OSBPL9: variants seen among roughly 807,000 people sequenced by gnomAD.
OSBPL9 encodes the protein oxysterol-binding protein-related protein 9.
In OSBPL9, 40 loss-of-function variants were observed where a neutral mutation model predicts 106.6. That is an observed-to-expected ratio of 0.38 (90% CI 0.29 to 0.49). OSBPL9 has a LOEUF of 0.49. Ranked by LOEUF, OSBPL9 falls within the 20% of genes least tolerant of loss-of-function variation. The pLI is 0.97. For synonymous variants in OSBPL9, 269 were observed against 295.4 expected, an observed-to-expected ratio of 0.91 and a Z score of 0.92; for missense variants, 609 against 887.2, an observed-to-expected ratio of 0.69 and a Z score of 3.98.
intron 3 of OSBPL9, among the ~76,000 whole-genome samples, chr1:51,685,307 T>C (rs1190415332): frequency 1.3e-5 from 2 of 152,158 alleles, no homozygotes; most frequent in East Asian, 1.9e-4. Context: ...GTTAAAGCTA[T>C]AGTAATTCTG....
intron 1 of OSBPL9, among the ~76,000 whole-genome samples, chr1:51,578,954 A>T (rs1285255235): frequency 6.6e-6 from 1 of 152,136 alleles, no homozygotes; most frequent in Non-Finnish European, 1.5e-5. Flanking sequence ...TGTCACATGA[A>T]CTTATCTCTG....
At chr1:51,557,912 A>G in the OSBPL9 span, among the ~76,000 whole-genome samples, 2 of 152,012 alleles carry the variant, frequency 1.3e-5, no homozygotes, top group South Asian at 2.1e-4. Context: ...GACCTAACCA[A>G]CTCTATCTTG....
At chr1:51,786,677 G>T in intron 22 of OSBPL9, 60 bp downstream of exon 22, 1 of 1,406,418 alleles carries the variant, frequency 7.1e-7, no homozygotes, top group Non-Finnish European at 1.0e-6. Context: ...CCTAGGCGTA[G>T]GCACAGGGCT....
intron 9 of OSBPL9, chr1:51,759,532 G>A (rs1671059300): frequency 6.6e-6 from 1 of 151,990 alleles, no homozygotes; most frequent in South Asian, 2.1e-4. Flanking sequence ...TCTGTTATAA[G>A]CACTACTTAA....
intron 4 of OSBPL9, among the ~76,000 whole-genome samples, chr1:51,719,738 A>T (rs1661719539): frequency 6.6e-6 from 1 of 152,222 alleles, no homozygotes; most frequent in South Asian, 2.1e-4. Flanking sequence ...GTGGGCAAAC[A>T]TAAAGCCAGG....
At chr1:51,669,618 C>A (rs1262357854) in intron 3 of OSBPL9, 106 bp downstream of exon 3, 5 of 1,007,302 alleles carry the variant, frequency 5.0e-6, no homozygotes, top group South Asian at 1.4e-5. Flanking sequence ...ACTGATCCTG[C>A]ATGAACGAGT....
At chr1:51,716,989 CTT>C (rs779540239) in intron 4 of OSBPL9, among the ~76,000 whole-genome samples, 3 of 146,708 alleles carry the variant, frequency 2.0e-5, no homozygotes, top group Admixed American at 6.8e-5. Flanking sequence ...TTTATATGTC[CTT>C]TTTTTTTTTG....
chr1:51,730,154 C>G, intron 4 of OSBPL9: 1 of 1,244,236 alleles, frequency 8.0e-7, no homozygotes, highest in South Asian at 4.2e-5. Flanking sequence ...TGCCCGGGCC[C>G]CTCTTCCTTG....
chr1:51,519,611 T>C, the OSBPL9 span, among the ~76,000 whole-genome samples: 1 of 151,926 alleles, frequency 6.6e-6, no homozygotes, highest in Non-Finnish European at 1.5e-5. Flanking sequence ...TTCTGAAAAA[T>C]GGGGGAAATT....
chr1:51,569,604 G>A, the OSBPL9 span: 1 of 152,238 alleles, frequency 6.6e-6, no homozygotes, highest in African/African-American at 2.4e-5. Flanking sequence ...CAGGGTGGCA[G>A]GAAAGAGTTT....
chr1:51,659,930 T>C (rs566017760), intron 2 of OSBPL9, among the ~76,000 whole-genome samples: 6 of 152,222 alleles, frequency 3.9e-5, no homozygotes, highest in African/African-American at 1.4e-4. Flanking sequence ...TATTAAGTTT[T>C]TAACTGAAAC....
At chr1:51,769,564 A>C (rs1214395287) in intron 12 of OSBPL9, among the ~76,000 whole-genome samples, 3 of 152,204 alleles carry the variant, frequency 2.0e-5, no homozygotes, top group Non-Finnish European at 4.4e-5. Flanking sequence ...GTACTCGATA[A>C]ATTATTATTA....
chr1:51,683,919 G>A (rs1653178301), intron 3 of OSBPL9, among the ~76,000 whole-genome samples: 1 of 152,178 alleles, frequency 6.6e-6, no homozygotes, highest in Non-Finnish European at 1.5e-5. Flanking sequence ...GTTACCAGGA[G>A]CTGGAGGCAG....
intron 1 of OSBPL9, among the ~76,000 whole-genome samples, chr1:51,644,672 G>C (rs1050334635): frequency 6.6e-6 from 1 of 152,104 alleles, no homozygotes; most frequent in Non-Finnish European, 1.5e-5. Context: ...GTGGAGATGT[G>C]CTGAGGGAGA....
chr1:51,756,710 G>A, intron 9 of OSBPL9: 2 of 213,682 alleles, frequency 9.4e-6, no homozygotes, highest in East Asian at 1.1e-4. Flanking sequence ...GGGGGTGGGG[G>A]AGTACAATAT....
At chr1:51,665,166 C>T (rs976954451) in intron 2 of OSBPL9, among the ~76,000 whole-genome samples, 11 of 152,256 alleles carry the variant, frequency 7.2e-5, no homozygotes, top group Non-Finnish European at 1.3e-4. Flanking sequence ...GTTTTTGAGA[C>T]AGAGTTTCGC....
At position 51,760,736 on chromosome 1, in the gene OSBPL9, A is replaced by G. The variant is rs1456008528; in HGVS notation, c.629A>G (p.Glu210Gly). The G allele has an allele frequency of 2.5e-6, 4 of 1,613,912 alleles. No homozygotes were observed. Among genetic ancestry groups the G allele is most frequent in the Non-Finnish European group, 2.5e-6 (3 of 1,179,880 alleles). ...GCAATATATCAACCTAGTCCTTTGG[A>G]ACCTGTGATCAGCACAATGCCTTCC... is the stretch of plus-strand genomic sequence containing the variant. ...VDAIYQPSPL[E>G]PVISTMPSQT... The change falls in exon 10 of 24, where the codon GAA becomes GGA. Residue 210 changes from glutamate to glycine, a missense_variant. Around this residue, in one of 5 missense-constraint regions of OSBPL9, gnomAD observed 356 missense variants for 505.8 expected, o/e 0.70. Transcript: ENST00000428468.
intron 3 of OSBPL9, among the ~76,000 whole-genome samples, chr1:51,711,340 C>G (rs1429053491): frequency 7.1e-6 from 1 of 141,326 alleles, no homozygotes; most frequent in Non-Finnish European, 1.5e-5. Context: ...AGGGGGCTGA[C>G]CCCCCCACCT....
At chr1:51,698,284 G>A (rs549598092) in intron 3 of OSBPL9, among the ~76,000 whole-genome samples, 2 of 152,260 alleles carry the variant, frequency 1.3e-5, no homozygotes, top group East Asian at 1.9e-4. Context: ...CATTGGGGTG[G>A]CTTAGAGTAG....
Sources: gnomAD v4.1 joint callset for allele counts (sites outside exome capture counted in the v4.1 genomes callset) on GRCh38, gnomAD v4.1.1 for gene constraint, gnomAD v4.1.1 regional missense constraint, MANE v1.5 for transcripts, NCBI Gene and HGNC (gene_info 2026-07-23, HGNC 2026-07-21) for gene names.